IGF1R: variants seen among roughly 807,000 people sequenced by gnomAD.
IGF1R encodes insulin like growth factor 1 receptor, also known as insulin-like growth factor 1 receptor.
IGF1R carries 44 observed loss-of-function variants against 144.6 expected under a neutral mutation model. That is an observed-to-expected ratio of 0.30 (90% CI 0.24 to 0.39). The LOEUF (loss-of-function observed/expected upper bound fraction) is 0.39, where lower values mean the gene tolerates loss of function less well. Among genes scored for constraint, IGF1R ranks in the 10% least tolerant of loss-of-function variants. The pLI, the probability that IGF1R is intolerant of heterozygous loss-of-function variation, is 1.00. For missense variants in IGF1R, 1,355 were observed against 1,833.7 expected, an observed-to-expected ratio of 0.74 and a Z score of 4.77; for synonymous variants, 795 against 722.8, an observed-to-expected ratio of 1.10 and a Z score of -1.60.
At chr15:98,769,348 GGTGTTAAAAAATGAATGGA>G (rs2055525301) in intron 2 of IGF1R, among the ~76,000 whole-genome samples, 1 of 152,134 alleles carries the variant, frequency 6.6e-6, no homozygotes, top group South Asian at 2.1e-4. Flanking sequence ...AGGGGTATAA[GGTGTTAAAAAATGAATGGA>G]AGTTAACTCA....
intron 10 of IGF1R, among the ~76,000 whole-genome samples, chr15:98,919,446 G>T (rs762089962): frequency 3.9e-5 from 6 of 152,208 alleles, no homozygotes; most frequent in Non-Finnish European, 5.9e-5. Context: ...AGATTTTGCT[G>T]AAAGGCCCCT....
chr15:98,772,650 C>T (rs977116426), intron 2 of IGF1R, among the ~76,000 whole-genome samples: 10 of 151,616 alleles, frequency 6.6e-5, no homozygotes, highest in Admixed American at 3.3e-4. Context: ...ATGTACACCA[C>T]CACGCCCAGC....
chr15:98,680,374 C>T (rs1440662352), intron 1 of IGF1R, among the ~76,000 whole-genome samples: 1 of 151,968 alleles, frequency 6.6e-6, no homozygotes, highest in East Asian at 1.9e-4. Context: ...TCACGCCATT[C>T]TCCTGCCTCA....
At chr15:98,893,061 C>T (rs992214394) in intron 3 of IGF1R, among the ~76,000 whole-genome samples, 11 of 152,194 alleles carry the variant, frequency 7.2e-5, no homozygotes, top group Non-Finnish European at 1.6e-4. Context: ...CTAAATGCCT[C>T]CTTCATGATT....
intron 2 of IGF1R, among the ~76,000 whole-genome samples, chr15:98,712,226 C>G (rs1341400474): frequency 6.6e-6 from 1 of 152,188 alleles, no homozygotes; most frequent in Non-Finnish European, 1.5e-5. Context: ...AGCCCAGAAC[C>G]CTTTTGAGTC....
In IGF1R at chr15:98,779,919, G is replaced by T. The variant is rs143402243; in HGVS notation, c.640+71812G>T. 8.9e-3 allele frequency among the ~76,000 whole-genome samples: 1,361 copies of T among 152,240 alleles called. 17 individuals carry two copies. The highest frequency in any genetic ancestry group is 0.032 in the African/African-American group (1,313 of 41,534). ...GGCTCGGAGGGCAAGTCAGCCTGGG[G>T]ACCTGGAGTTAGTTCCCTTTTCAGC... On this transcript the variant is annotated intron_variant, in intron 2 of 20. Coordinates refer to ENST00000650285, the MANE Select transcript of IGF1R (RefSeq NM_000875.5).
At chr15:98,786,559 A>T (rs2056002533) in intron 2 of IGF1R, among the ~76,000 whole-genome samples, 1 of 152,194 alleles carries the variant, frequency 6.6e-6, no homozygotes, top group African/African-American at 2.4e-5. Flanking sequence ...ATCAAAATCT[A>T]TAAGCCTATT....
intron 17 of IGF1R, among the ~76,000 whole-genome samples, chr15:98,937,554 G>A (rs920547249): frequency 1.2e-4 from 18 of 152,308 alleles, no homozygotes; most frequent in Non-Finnish European, 7.4e-5. Context: ...ATTAAAATGT[G>A]TGCACTTACC....
intron 2 of IGF1R, among the ~76,000 whole-genome samples, chr15:98,835,038 A>T (rs564771609): frequency 6.6e-6 from 1 of 151,062 alleles, no homozygotes; most frequent in South Asian, 2.1e-4. Flanking sequence ...GTCAGTAGTA[A>T]CTTAGGCTTT....
intron 2 of IGF1R, among the ~76,000 whole-genome samples, chr15:98,843,104 G>T (rs1294694782): frequency 6.6e-6 from 1 of 152,200 alleles, no homozygotes; most frequent in South Asian, 2.1e-4. Context: ...ACCGGCATGT[G>T]TGTCCTTGTG....
chr15:98,747,459 G>C (rs982610428), intron 2 of IGF1R, among the ~76,000 whole-genome samples: 4 of 152,188 alleles, frequency 2.6e-5, no homozygotes, highest in African/African-American at 9.7e-5. Flanking sequence ...GCCTCCCAAA[G>C]TGCTGGGATT....
chr15:98,906,346 G>T (rs528116036), intron 5 of IGF1R, among the ~76,000 whole-genome samples: 1 of 152,226 alleles, frequency 6.6e-6, no homozygotes, highest in African/African-American at 2.4e-5. Flanking sequence ...CAGCCCAGAG[G>T]TTTCTTCATC....
intron 2 of IGF1R, among the ~76,000 whole-genome samples, chr15:98,766,208 T>G (rs911605049): frequency 6.6e-6 from 1 of 152,198 alleles, no homozygotes; most frequent in Admixed American, 6.5e-5. Context: ...TTCCCCTAAT[T>G]CACGAATTCT....
At chr15:98,728,190 G>C (rs143125479) in intron 2 of IGF1R, among the ~76,000 whole-genome samples, 4 of 152,006 alleles carry the variant, frequency 2.6e-5, no homozygotes, top group Non-Finnish European at 5.9e-5. Context: ...CACACCCCCA[G>C]CTATTCAAGA....
chr15:98,911,673 A>G (rs2015026554), intron 7 of IGF1R, among the ~76,000 whole-genome samples: 2 of 152,308 alleles, frequency 1.3e-5, no homozygotes, highest in South Asian at 4.2e-4. Flanking sequence ...GAGGCCTGTC[A>G]TTCTTTAGTG....
At chr15:98,827,694 T>A (rs897926434) in intron 2 of IGF1R, among the ~76,000 whole-genome samples, 5 of 152,194 alleles carry the variant, frequency 3.3e-5, no homozygotes, top group Admixed American at 1.3e-4. Flanking sequence ...GCGATTCTCC[T>A]GCCTCAGCCT....
rs2017167395 is a variant in IGF1R at position 98,960,155 on chromosome 15, T to G, written c.*2713T>G. ...CAATAGGCCGTTGATACTGGTAACC[T>G]CATCCACGCCACAGGCGCCACACCC... On this transcript the variant is annotated 3_prime_UTR_variant, in exon 21 of 21. Transcript: ENST00000650285. The G allele has an allele frequency of 4.3e-6, 1 of 233,564 alleles. No homozygotes were observed. Among genetic ancestry groups the G allele is most frequent in the Non-Finnish European group, 8.5e-6 (1 of 118,058 alleles). 14.5% of individuals were successfully genotyped at this position (233,564 alleles called of 1,614,324 possible).
chr15:98,832,551 C>T (rs1293327311), intron 2 of IGF1R, among the ~76,000 whole-genome samples: 1 of 152,174 alleles, frequency 6.6e-6, no homozygotes, highest in Non-Finnish European at 1.5e-5. Flanking sequence ...TAATGATAAT[C>T]CTTTTACAGA....
At chr15:98,808,311 G>A (rs186538891) in intron 2 of IGF1R, among the ~76,000 whole-genome samples, 7 of 152,298 alleles carry the variant, frequency 4.6e-5, no homozygotes, top group South Asian at 2.1e-4. Flanking sequence ...AAAGAGTTCC[G>A]TATTATTTGT....
Sources: gnomAD v4.1 joint callset for allele counts (sites outside exome capture counted in the v4.1 genomes callset) on GRCh38, gnomAD v4.1.1 for gene constraint, MANE v1.5 for transcripts, NCBI Gene and HGNC (gene_info 2026-07-23, HGNC 2026-07-21) for gene names.